Variants in SPTLC2 observed in about 807,000 individuals in gnomAD.
SPTLC2 encodes the protein serine palmitoyltransferase long chain base subunit 2.
Under a neutral mutation model 62.0 loss-of-function variants are expected in SPTLC2, and 21 were observed. That is an observed-to-expected ratio of 0.34 (90% CI 0.24 to 0.49). SPTLC2 has a LOEUF of 0.49. Ranked by LOEUF, SPTLC2 falls within the 20% of genes least tolerant of loss-of-function variation. The pLI, the probability that SPTLC2 is intolerant of heterozygous loss-of-function variation, is 0.99. For missense variants in SPTLC2, 511 were observed against 713.0 expected (o/e 0.72, Z 3.23); for synonymous variants, 261 against 261.8 (o/e 1.00, Z 0.03).
At chr14:77,560,306 G>C (rs148666245) in intron 6 of SPTLC2, among the ~76,000 whole-genome samples, 187 of 152,190 alleles carry the variant, frequency 1.2e-3, no homozygotes, top group African/African-American at 3.7e-3. Context: ...AAAAAATGTG[G>C]GCCAGGCGTG....
At position 77,509,064 on chromosome 14, in the gene SPTLC2, C is replaced by T. The variant is rs1437507675; in HGVS notation, c.*3220G>A. 6.6e-6 allele frequency: 1 copy of T among 152,166 alleles called. No homozygotes were observed. Among genetic ancestry groups the T allele is most frequent in the African/African-American group, 2.4e-5 (1 of 41,452 alleles). 9.4% of individuals were successfully genotyped at this position (152,166 alleles called of 1,614,324 possible). The stretch of plus-strand genomic sequence containing the variant: ...GAGCCCTTAGTGGTTGTGTAGGATG[C>T]TTCTGTTCACCTTGATGACTACAGA... On this transcript the variant is annotated 3_prime_UTR_variant, in exon 12 of 12. Coordinates refer to ENST00000216484, the MANE Select transcript of SPTLC2 (RefSeq NM_004863.4).
At chr14:77,616,363 G>T in intron 1 of SPTLC2, 85 bp downstream of exon 1, 1 of 849,034 alleles carries the variant, frequency 1.2e-6, no homozygotes, top group Non-Finnish European at 1.5e-6. Flanking sequence ...TTGCCCAGCG[G>T]ATGGCCCGGA....
intron 9 of SPTLC2, among the ~76,000 whole-genome samples, chr14:77,533,903 AT>A (rs1372554589): frequency 6.6e-6 from 1 of 152,124 alleles, no homozygotes; most frequent in African/African-American, 2.4e-5. Context: ...CATGCCTGTA[AT>A]CCCAGCACTC....
At chr14:77,555,035 G>T (rs2079575186) in intron 8 of SPTLC2, 1 of 469,870 alleles carries the variant, frequency 2.1e-6, no homozygotes, top group Admixed American at 3.3e-5. Flanking sequence ...GCACCACTGT[G>T]TGTTCTTTCA....
chr14:77,603,786 C>T (rs187194170), intron 1 of SPTLC2, among the ~76,000 whole-genome samples: 1 of 152,338 alleles, frequency 6.6e-6, no homozygotes, highest in African/African-American at 2.4e-5. Context: ...GCATCCTGTA[C>T]ACACTGGGCA....
chr14:77,507,841 T>G lies in SPTLC2; in HGVS notation c.*4443A>C, dbSNP rs2079313367. On this transcript the variant is annotated 3_prime_UTR_variant, in exon 12 of 12. Transcript: ENST00000216484. The stretch of plus-strand genomic sequence containing the variant: ...GGCTTAGTAGCCAAAAAATAATCTT[T>G]GCTTTTTATACCTCCCCATTCACAA... 2 of 152,232 alleles carry G rather than the reference T, an allele frequency of 1.3e-5. No individual in the cohort carries two copies. The highest frequency in any genetic ancestry group is 1.3e-4 in the Admixed American group (2 of 15,280). The allele number at this position is 152,232 out of a possible 1,614,324, so 9.4% of individuals were successfully genotyped here.
chr14:77,594,371 T>C (rs1246753335), intron 2 of SPTLC2, among the ~76,000 whole-genome samples: 1 of 152,180 alleles, frequency 6.6e-6, no homozygotes, highest in African/African-American at 2.4e-5. Context: ...CCAAAGATAA[T>C]GTACTCACAA....
Position 77,521,438 on chromosome 14 carries a change from A to C in SPTLC2, c.1439+8T>G. Reference sequence around the variant, plus strand: ...ACAGACTGGTCTGTGATCTGCAACAAAACGTACCCAATTTTGGCAGGCATG... The same window carrying C: ...ACAGACTGGTCTGTGATCTGCAACACAACGTACCCAATTTTGGCAGGCATG... On this transcript the variant is annotated splice_region_variant and intron_variant, in intron 10 of 11. Transcript: ENST00000216484. The C allele has an allele frequency of 6.2e-7, 1 of 1,614,168 alleles. No homozygotes were observed. Among genetic ancestry groups the C allele is most frequent in the African/African-American group, 1.3e-5 (1 of 75,050 alleles).
chr14:77,573,486 T>C (rs1037516690), intron 4 of SPTLC2, among the ~76,000 whole-genome samples: 2 of 130,594 alleles, frequency 1.5e-5, no homozygotes, highest in African/African-American at 5.8e-5. Context: ...TAAAAAATTT[T>C]TACAAAGATT....
intron 9 of SPTLC2, among the ~76,000 whole-genome samples, chr14:77,530,170 C>T (rs888174755): frequency 1.3e-5 from 2 of 152,076 alleles, no homozygotes; most frequent in Non-Finnish European, 2.9e-5. Context: ...ATTGTTATTA[C>T]ATCATTTCCA....
intron 2 of SPTLC2, 25 bp downstream of exon 2, chr14:77,597,161 G>C: frequency 1.2e-6 from 2 of 1,609,818 alleles, no homozygotes; most frequent in Non-Finnish European, 1.7e-6. Flanking sequence ...TCTATTTACA[G>C]AATCAAAAAC....
At chr14:77,539,765 C>T (rs1173317083) in intron 9 of SPTLC2, among the ~76,000 whole-genome samples, 1 of 151,912 alleles carries the variant, frequency 6.6e-6, no homozygotes, top group Non-Finnish European at 1.5e-5. Context: ...GCTGGCATTA[C>T]AGGCGTGAGC....
At chr14:77,558,051 CTTT>C (rs34550215) in intron 6 of SPTLC2, among the ~76,000 whole-genome samples, 2 of 144,836 alleles carry the variant, frequency 1.4e-5, no homozygotes, top group Non-Finnish European at 3.0e-5. Flanking sequence ...ATCATAAAAT[CTTT>C]TTTTTTTTTT....
intron 5 of SPTLC2, among the ~76,000 whole-genome samples, 155 bp downstream of exon 5, chr14:77,570,222 CAAAAAAA>C (rs35086251): frequency 9.0e-6 from 1 of 111,382 alleles, no homozygotes; most frequent in South Asian, 2.9e-4. Context: ...GACTCCATCT[CAAAAAAA>C]AAAAAAAAAA....
chr14:77,553,106 ACT>A (rs1427426753), intron 8 of SPTLC2, among the ~76,000 whole-genome samples: 2 of 152,068 alleles, frequency 1.3e-5, no homozygotes, highest in South Asian at 4.1e-4. Context: ...ATAAAGTAAA[ACT>A]CTGTCATTTA....
intron 9 of SPTLC2, among the ~76,000 whole-genome samples, chr14:77,544,982 G>C (rs1374139311): frequency 1.3e-5 from 2 of 152,008 alleles, no homozygotes; most frequent in African/African-American, 4.8e-5. Context: ...CCTTATTGGA[G>C]TCAGACTGCA....
Position 77,595,442 on chromosome 14 carries a change from G to A in SPTLC2, c.327+1744C>T, listed in dbSNP as rs138839871. Reference sequence around the variant, plus strand: ...AAGATAAAAATTACTTAGGGTTACTGGACCAACTTCTGAATGCAGGGCTTT... The same window carrying A: ...AAGATAAAAATTACTTAGGGTTACTAGACCAACTTCTGAATGCAGGGCTTT... On this transcript the variant is annotated intron_variant, in intron 2 of 11. Coordinates refer to ENST00000216484, the MANE Select transcript of SPTLC2 (RefSeq NM_004863.4). 2.1e-3 allele frequency among the ~76,000 whole-genome samples: 326 copies of A among 152,250 alleles called. 3 individuals carry two copies. The highest frequency in any genetic ancestry group is 7.1e-3 in the African/African-American group (297 of 41,548).
intron 9 of SPTLC2, among the ~76,000 whole-genome samples, chr14:77,542,963 CA>C (rs1426203780): frequency 4.6e-5 from 7 of 152,196 alleles, no homozygotes; most frequent in African/African-American, 1.7e-4. Context: ...GGGCCCTCCA[CA>C]AAAGGCAGAA....
rs17105886 is a variant in SPTLC2 at position 77,506,753 on chromosome 14, T to C, written c.*5531A>G. On this transcript the variant is annotated 3_prime_UTR_variant, in exon 12 of 12. Transcript: ENST00000216484. ...GAGTTGGCTTGAGTCTCCTCGTGCA[T>C]AGAAGCATTCACTCATCCATGCAGA... 0.059 allele frequency: 9,004 copies of C among 152,250 alleles called. 292 individuals are homozygous for C. Among genetic ancestry groups the C allele is most frequent in the African/African-American group, 0.085 (3,545 of 41,540 alleles). The allele number at this position is 152,250 out of a possible 1,614,324, so 9.4% of individuals were successfully genotyped here. A position where few individuals can be genotyped will look rare whatever the true frequency, so the allele number is the denominator to read the frequency against.
Sources: allele counts gnomAD v4.1 joint callset (sites outside exome capture counted in the v4.1 genomes callset), GRCh38; gene constraint gnomAD v4.1.1; transcripts MANE v1.5; gene names NCBI Gene and HGNC (gene_info 2026-07-23, HGNC 2026-07-21).